Variants in MAP2K5 observed in about 807,000 individuals in gnomAD.
MAP2K5 encodes mitogen-activated protein kinase kinase 5, also known as dual specificity mitogen-activated protein kinase kinase 5.
A neutral mutation model predicts 83.1 loss-of-function variants in MAP2K5; 49 were observed. The ratio of observed to expected loss-of-function variants is 0.59; its 90% CI spans 0.47 to 0.75. MAP2K5 has a LOEUF of 0.75. MAP2K5 is among the 30% of genes least tolerant of loss of function. MAP2K5 has a pLI of 0.00. For synonymous variants in MAP2K5, 202 were observed against 191.8 expected (o/e 1.05, Z -0.44); for missense variants, 457 against 557.5 (o/e 0.82, Z 1.82).
chr15:67,759,517 G>A (rs145323551), intron 19 of MAP2K5, among the ~76,000 whole-genome samples: 400 of 149,960 alleles, frequency 2.7e-3, no homozygotes, highest in African/African-American at 9.5e-3. Flanking sequence ...CCAAGATCAC[G>A]CTACTGCACT....
rs550750710 is a variant in MAP2K5 at position 67,627,929 on chromosome 15, G to A, written c.546-2959G>A. The A allele has an allele frequency of 2.6e-5, 21 of 795,040 alleles. No homozygotes were observed. In the East Asian group the frequency reaches 5.5e-4, roughly 21 times the overall value. The allele number at this position is 795,040 out of a possible 1,614,324, so 49.2% of individuals were successfully genotyped here. A position where few individuals can be genotyped will look rare whatever the true frequency, so the allele number is the denominator to read the frequency against. ...TGGAGGGCTGAACTTTGAAACAACC[G>A]ATGAGAGCCTGAGGAGCCATTTTAA... On this transcript the variant is annotated intron_variant, in intron 8 of 21. Coordinates refer to ENST00000178640, the MANE Select transcript of MAP2K5 (RefSeq NM_145160.3).
At chr15:67,754,827 A>G (rs1177484919) in intron 19 of MAP2K5, among the ~76,000 whole-genome samples, 1 of 152,226 alleles carries the variant, frequency 6.6e-6, no homozygotes, top group Non-Finnish European at 1.5e-5. Flanking sequence ...AATGCATGCC[A>G]AAAAGCGTAG....
At chr15:67,737,688 T>C (rs2089372571) in intron 17 of MAP2K5, among the ~76,000 whole-genome samples, 1 of 151,922 alleles carries the variant, frequency 6.6e-6, no homozygotes, top group Non-Finnish European at 1.5e-5. Flanking sequence ...CAGTTGTCTG[T>C]TTATGCACAG....
intron 7 of MAP2K5, among the ~76,000 whole-genome samples, chr15:67,595,030 C>T (rs2085495463): frequency 6.6e-6 from 1 of 152,094 alleles, no homozygotes; most frequent in Admixed American, 6.5e-5. Flanking sequence ...AACACTTGAG[C>T]ATAGTTTTTT....
intron 17 of MAP2K5, among the ~76,000 whole-genome samples, chr15:67,731,741 G>T (rs1196909404): frequency 6.6e-6 from 1 of 152,164 alleles, no homozygotes; most frequent in Non-Finnish European, 1.5e-5. Context: ...GTACAGTTAG[G>T]TCTAGGACTT....
rs117672098 is a variant in MAP2K5 at position 67,727,308 on chromosome 15, A to T, written c.1045-608A>T. 2.6e-3 allele frequency among the ~76,000 whole-genome samples: 397 copies of T among 152,382 alleles called. 4 individuals carry two copies. Among genetic ancestry groups the T allele is most frequent in the Non-Finnish European group, 4.1e-3 (281 of 68,042 alleles). On this transcript the variant is annotated intron_variant, in intron 16 of 21. Coordinates refer to ENST00000178640, the MANE Select transcript of MAP2K5 (RefSeq NM_145160.3). Reference sequence around the variant, plus strand: ...TCAAAATTAAGTGACTGGCTCAGAAACAGAGCAGTTTACAAATCAAGTTAG... The same window carrying T: ...TCAAAATTAAGTGACTGGCTCAGAATCAGAGCAGTTTACAAATCAAGTTAG...
chr15:67,796,194 G>A lies in MAP2K5; in HGVS notation c.1243-10452G>A, dbSNP rs140919067. ...TTGATATACTTGAGTTTTTTGTACA[G>A]TCCTATTTTGTACTTTCTCTCTACT... On this transcript the variant is annotated intron_variant, in intron 21 of 21. Coordinates refer to ENST00000178640, the MANE Select transcript of MAP2K5 (RefSeq NM_145160.3). 3.1e-3 allele frequency among the ~76,000 whole-genome samples: 472 copies of A among 152,222 alleles called. 2 individuals carry two copies. The highest frequency in any genetic ancestry group is 0.011 in the African/African-American group (457 of 41,536).
At chr15:67,568,451 C>A (rs2084885762) in intron 3 of MAP2K5, among the ~76,000 whole-genome samples, 1 of 152,126 alleles carries the variant, frequency 6.6e-6, no homozygotes, top group Non-Finnish European at 1.5e-5. Context: ...TTTTGTTCAA[C>A]TCTTTCATTT....
At chr15:67,567,405 C>T (rs368422802) in intron 3 of MAP2K5, among the ~76,000 whole-genome samples, 28 of 150,194 alleles carry the variant, frequency 1.9e-4, no homozygotes, top group African/African-American at 5.4e-4. Context: ...TCGCCCAGGC[C>T]GGACTGCGGA....
intron 1 of MAP2K5, among the ~76,000 whole-genome samples, chr15:67,544,654 G>T (rs2084357520): frequency 6.6e-6 from 1 of 152,200 alleles, no homozygotes; most frequent in Non-Finnish European, 1.5e-5. Context: ...AATAACTGAG[G>T]CATGGAAGAC....
intron 17 of MAP2K5, among the ~76,000 whole-genome samples, chr15:67,739,447 TATATATATATATATA>T (rs1309775697): frequency 4.5e-3 from 67 of 14,760 alleles, no homozygotes; most frequent in South Asian, 0.016. Context: ...TATATATATA[TATATATATATATATA>T]TTTTTTTTTT....
intron 5 of MAP2K5, 34 bp from the exon 6 acceptor site, chr15:67,586,812 A>G (rs1344642844): frequency 1.3e-6 from 2 of 1,597,956 alleles, no homozygotes. Context: ...TCCTCAGAAC[A>G]CAAGACTGAT....
chr15:67,595,082 C>T (rs939394954), intron 7 of MAP2K5, among the ~76,000 whole-genome samples: 1 of 152,138 alleles, frequency 6.6e-6, no homozygotes. Context: ...AATGATTTGC[C>T]TTTCCACTAG....
chr15:67,787,676 A>G (rs1162164372), intron 21 of MAP2K5, among the ~76,000 whole-genome samples: 2 of 152,230 alleles, frequency 1.3e-5, no homozygotes. Context: ...AATAAGTAGG[A>G]TTTCCCTGGG....
chr15:67,709,982 G>C (rs960383898), intron 16 of MAP2K5, among the ~76,000 whole-genome samples: 1 of 152,122 alleles, frequency 6.6e-6, no homozygotes, highest in African/African-American at 2.4e-5. Flanking sequence ...AAGGTTGATG[G>C]TGAATAATCT....
chr15:67,630,823 G>A (rs2086455067), intron 8 of MAP2K5, 65 bp from the exon 9 acceptor site: 1 of 1,164,252 alleles, frequency 8.6e-7, no homozygotes, highest in Non-Finnish European at 1.3e-6. Context: ...TTACATTTAT[G>A]TCCTTAACCA....
Position 67,638,379 on chromosome 15 carries a change from A to T in MAP2K5, c.585+7452A>T, listed in dbSNP as rs62016185. On this transcript the variant is annotated intron_variant, in intron 9 of 21. Transcript: ENST00000178640. The surrounding 1 kb of genome is among the most constrained non-coding windows in gnomAD (Gnocchi z 4.5). ...AAGATGATGACCTCCAGCTCCATCC[A>T]TGTTCCTGCAGAGGACATGATCTCA... is the stretch of plus-strand genomic sequence containing the variant. 0.023 allele frequency among the ~76,000 whole-genome samples: 3,489 copies of T among 152,306 alleles called. 62 individuals are homozygous for T. Among genetic ancestry groups the T allele is most frequent in the African/African-American group, 0.042 (1,741 of 41,562 alleles).
chr15:67,681,810 T>G (rs982086346), intron 13 of MAP2K5, among the ~76,000 whole-genome samples: 2 of 152,242 alleles, frequency 1.3e-5, no homozygotes, highest in Non-Finnish European at 2.9e-5. Context: ...TGTATTTTCT[T>G]TGAGAAAATG....
chr15:67,637,635 C>A lies in MAP2K5; in HGVS notation c.585+6708C>A, dbSNP rs1485546016. Among the ~76,000 whole-genome samples, 1 of 152,146 alleles carries A rather than the reference C, an allele frequency of 6.6e-6. No homozygotes were observed. The highest frequency in any genetic ancestry group is 1.5e-5 in the Non-Finnish European group (1 of 68,030). ...CATTACTCAGCTGAAGACTCCAGGA[C>A]CCCCTCGGCAGACCTCTGGAGCTCT... On this transcript the variant is annotated intron_variant, in intron 9 of 21. Transcript: ENST00000178640. This position sits in a 1 kb window ranked among gnomAD's most constrained non-coding sequence, Gnocchi z 4.5.
Sources: allele counts gnomAD v4.1 joint callset (sites outside exome capture counted in the v4.1 genomes callset), GRCh38; gene constraint gnomAD v4.1.1; non-coding constraint Gnocchi (gnomAD v3.1); transcripts MANE v1.5; gene names NCBI Gene and HGNC (gene_info 2026-07-23, HGNC 2026-07-21).